The following PDGFRB variants were observed in gnomAD, a reference collection of about 807,000 sequenced individuals.
The protein encoded by PDGFRB is platelet-derived growth factor receptor beta.
In PDGFRB, 42 loss-of-function variants were observed where a neutral mutation model predicts 120.2. That is an observed-to-expected ratio of 0.35 (90% confidence interval 0.27 to 0.45). PDGFRB has a LOEUF of 0.45. Among genes scored for constraint, PDGFRB ranks in the 20% least tolerant of loss-of-function variants. The pLI, the probability that PDGFRB is intolerant of heterozygous loss-of-function variation, is 1.00. For synonymous variants in PDGFRB, 586 were observed against 606.8 expected (o/e 0.97, Z 0.50); for missense variants, 1,149 against 1,476.3 (o/e 0.78, Z 3.63).
chr5:150,120,352 G>A lies in PDGFRB; in HGVS notation c.2587-229C>T, dbSNP rs1021794478. ...ACTAGCTGGGGACAAGGCAGCCCCTGTCCCTGGGGAAAAGCCCCAGGGTCT... is the reference window on the plus strand; with the variant it reads ...ACTAGCTGGGGACAAGGCAGCCCCTATCCCTGGGGAAAAGCCCCAGGGTCT... On this transcript the variant is annotated intron_variant, in intron 18 of 22. Transcript: ENST00000261799. This position sits in a 1 kb window ranked among gnomAD's most constrained non-coding sequence, Gnocchi z 4.3. Among the ~76,000 whole-genome samples the A allele has an allele frequency of 1.3e-5, 2 of 152,170 alleles. No individual in the cohort carries two copies. The highest frequency in any genetic ancestry group is 1.5e-5 in the Non-Finnish European group (1 of 68,014).
At chr5:150,128,794 G>A (rs915814450) in intron 10 of PDGFRB, among the ~76,000 whole-genome samples, 11 of 152,220 alleles carry the variant, frequency 7.2e-5, no homozygotes, top group Admixed American at 4.6e-4. Flanking sequence ...GATCCCGGAG[G>A]GAATTGCCAA....
At chr5:150,148,544 C>T (rs2113929826) in intron 1 of PDGFRB, among the ~76,000 whole-genome samples, 1 of 152,388 alleles carries the variant, frequency 6.6e-6, no homozygotes, top group East Asian at 1.9e-4. Flanking sequence ...CTGATGCCAT[C>T]CAGGGCAGGG....
intron 2 of PDGFRB, 110 bp downstream of exon 2, chr5:150,136,898 C>T (rs1760646947): frequency 3.7e-6 from 3 of 800,432 alleles, no homozygotes; most frequent in Non-Finnish European, 6.3e-6. Flanking sequence ...AAGGGCAGGG[C>T]AGTGTGCCTG....
In PDGFRB at chr5:150,118,831, G is replaced by A. The variant is rs1760046221; in HGVS notation, c.2820C>T (p.Cys940=). 1 of 1,611,306 alleles carries A rather than the reference G, an allele frequency of 6.2e-7. No homozygotes were observed. The highest frequency in any genetic ancestry group is 1.7e-5 in the Admixed American group (1 of 59,962). The change falls in exon 21 of 23, where the codon TGC becomes TGT. Residue 940 remains cysteine (C), a synonymous_variant. Coordinates refer to ENST00000261799, the MANE Select transcript of PDGFRB (RefSeq NM_002609.4). ...SDEIYEIMQK[C]WEEKFEIRPP... ...GCCGAATCTCAAACTTCTCTTCCCAGCACTTCTGCATGATCTCATAGCTGG... is the reference window on the plus strand; with the variant it reads ...GCCGAATCTCAAACTTCTCTTCCCAACACTTCTGCATGATCTCATAGCTGG...
At chr5:150,151,058 T>C (rs529341833) in intron 1 of PDGFRB, among the ~76,000 whole-genome samples, 16 of 152,314 alleles carry the variant, frequency 1.1e-4, no homozygotes, top group African/African-American at 3.8e-4. Flanking sequence ...TCCTCATTGT[T>C]ATTGCAGGTT....
chr5:150,116,853 A>G (rs1480920855), intron 22 of PDGFRB, among the ~76,000 whole-genome samples: 2 of 152,162 alleles, frequency 1.3e-5, no homozygotes, highest in Non-Finnish European at 2.9e-5. Flanking sequence ...CTCCTGGCAC[A>G]TATGGAGAAA....
intron 10 of PDGFRB, among the ~76,000 whole-genome samples, chr5:150,128,589 C>T (rs993719898): frequency 8.5e-5 from 13 of 152,354 alleles, no homozygotes; most frequent in Non-Finnish European, 1.6e-4. Context: ...GAACTCTTTT[C>T]ATTTCTAGGA....
At chr5:150,123,413 G>A (rs538598176) in intron 14 of PDGFRB, among the ~76,000 whole-genome samples, 10 of 152,230 alleles carry the variant, frequency 6.6e-5, no homozygotes, top group Non-Finnish European at 1.3e-4. Flanking sequence ...CAGCTGTTAA[G>A]TGGGGCTAAT....
chr5:150,151,456 CA>C (rs1237964953), intron 1 of PDGFRB, among the ~76,000 whole-genome samples: 1 of 152,234 alleles, frequency 6.6e-6, no homozygotes, highest in Non-Finnish European at 1.5e-5. Context: ...TCCAGCCTCT[CA>C]TCAAGGGGAT....
At chr5:150,126,695 C>T (rs1274786576) in intron 10 of PDGFRB, 81 bp from the exon 11 acceptor site, 1 of 777,382 alleles carries the variant, frequency 1.3e-6, no homozygotes, top group Admixed American at 1.8e-5. Flanking sequence ...TCATAGATCC[C>T]TCCGTACACA....
rs766277403 is a variant in PDGFRB at position 150,135,715 on chromosome 5, C to G, written c.204G>C (p.Glu68Asp). 1 of 1,614,166 alleles carries G rather than the reference C, an allele frequency of 6.2e-7. No homozygotes were observed. The highest frequency in any genetic ancestry group is 2.2e-5 in the East Asian group (1 of 44,888). ...GGGCCTTGGCCATTTCCTGTGGGGG[C>G]TCCTGGGACATCCGTTCCCACACCA... ...APVVWERMSQEPPQEMAKAQD... is the reference protein window; with the variant it reads ...APVVWERMSQDPPQEMAKAQD... The change falls in exon 3 of 23, where the codon GAG (glutamate) becomes GAC (aspartate). Residue 68 changes from glutamate to aspartate, a missense_variant. Glu to Asp is a conservative substitution (Grantham distance 45). This residue lies in a region of PDGFRB where 879 missense variants were observed against 1,108.6 expected (regional missense o/e 0.79). Coordinates refer to ENST00000261799, the MANE Select transcript of PDGFRB (RefSeq NM_002609.4).
intron 12 of PDGFRB, 77 bp from the exon 13 acceptor site, chr5:150,124,908 C>A: frequency 3.0e-6 from 2 of 661,660 alleles, no homozygotes; most frequent in South Asian, 3.6e-5. Context: ...CCTCCCCCCA[C>A]TCCCCTACCC....
chr5:150,150,217 T>C (rs1761035649), intron 1 of PDGFRB, among the ~76,000 whole-genome samples: 1 of 152,188 alleles, frequency 6.6e-6, no homozygotes, highest in Non-Finnish European at 1.5e-5. Context: ...ACCCAGCACC[T>C]GTGGTGGAAC....
At chr5:150,136,379 G>A (rs1159293242) in intron 2 of PDGFRB, among the ~76,000 whole-genome samples, 1 of 152,174 alleles carries the variant, frequency 6.6e-6, no homozygotes, top group East Asian at 1.9e-4. Context: ...GGGCTGGAGG[G>A]AACTGGGGTT....
In PDGFRB at chr5:150,155,462, G is replaced by A. The variant is rs1362345945; in HGVS notation, c.-72C>T. ...TCTGGACAGTCACCCCCTCCAGGAA[G>A]TCCTCCTTACTGCCCTCTCCCAGTT... On this transcript the variant is annotated 5_prime_UTR_variant, in exon 1 of 23. Coordinates refer to ENST00000261799, the MANE Select transcript of PDGFRB (RefSeq NM_002609.4). The A allele has an allele frequency of 5.0e-6, 2 of 397,812 alleles. No homozygotes were observed. Among genetic ancestry groups the A allele is most frequent in the Non-Finnish European group, 8.8e-6 (2 of 226,016 alleles). 24.6% of individuals were successfully genotyped at this position (397,812 alleles called of 1,614,324 possible). A position where few individuals can be genotyped will look rare whatever the true frequency, so the allele number is the denominator to read the frequency against.
intron 1 of PDGFRB, among the ~76,000 whole-genome samples, chr5:150,147,094 G>A (rs1384029627): frequency 6.6e-6 from 1 of 152,186 alleles, no homozygotes; most frequent in African/African-American, 2.4e-5. Context: ...CAGCATCCAG[G>A]CAATCAGCCC....
rs1759867326 is a variant in PDGFRB at position 150,114,646 on chromosome 5, CAG to C, written c.*1115_*1116del. On this transcript the variant is annotated 3_prime_UTR_variant, in exon 23 of 23. Coordinates refer to ENST00000261799, the MANE Select transcript of PDGFRB (RefSeq NM_002609.4). ...GGAAGGGGCATGGTTCCTGAGTCCC[CAG>C]AGTGTGATGTGTGATCTGGAATCTC... 4.3e-6 allele frequency: 1 copy of C among 233,476 alleles called. No individual in the cohort carries two copies. Among genetic ancestry groups the C allele is most frequent in the Admixed American group, 5.6e-5 (1 of 17,772 alleles). 14.5% of individuals were successfully genotyped at this position (233,476 alleles called of 1,614,324 possible).
At chr5:150,139,747 C>T (rs938977871) in intron 1 of PDGFRB, among the ~76,000 whole-genome samples, 7 of 152,038 alleles carry the variant, frequency 4.6e-5, no homozygotes, top group African/African-American at 7.2e-5. Flanking sequence ...TTTGGGAGGC[C>T]GAGCCAGGCG....
Position 150,117,758 on chromosome 5 carries a change from T to A in PDGFRB, c.2997A>T (p.Arg999=), listed in dbSNP as rs776113877. 32 of 1,613,318 alleles carry A rather than the reference T, an allele frequency of 2.0e-5. No homozygotes were observed. Among genetic ancestry groups the A allele is most frequent in the East Asian group, 1.1e-4 (5 of 44,822 alleles). ...GGACGGAGCTGGTGTCCAGGGGAGA[T>A]CGGAGGCCATGGAACCCAGGCAAGC... ...QARLPGFHGL[R]SPLDTSSVLY... The change falls in exon 22 of 23, where the codon CGA becomes CGT. Residue 999 remains arginine (R), a synonymous_variant. Coordinates refer to ENST00000261799, the MANE Select transcript of PDGFRB (RefSeq NM_002609.4).
Sources: allele counts gnomAD v4.1 joint callset (sites outside exome capture counted in the v4.1 genomes callset), GRCh38; gene constraint gnomAD v4.1.1; regional missense constraint gnomAD v4.1.1; non-coding constraint Gnocchi (gnomAD v3.1); transcripts MANE v1.5; gene names NCBI Gene and HGNC (gene_info 2026-07-23, HGNC 2026-07-21).